TRIP4: variants seen among roughly 807,000 people sequenced by gnomAD.
The protein encoded by TRIP4 is activating signal cointegrator 1.
In TRIP4, 54 loss-of-function variants were observed where a neutral mutation model predicts 81.8. That is an observed-to-expected ratio of 0.66 (90% CI 0.53 to 0.83). TRIP4 has a LOEUF of 0.83. Ranked by LOEUF, TRIP4 falls within the 40% of genes least tolerant of loss-of-function variation. The pLI is 0.00. For synonymous variants in TRIP4, 270 were observed against 242.8 expected (o/e 1.11, Z -1.04); for missense variants, 662 against 683.6 (o/e 0.97, Z 0.35).
At chr15:64,426,073 A>T (rs1265101931) in intron 11 of TRIP4, among the ~76,000 whole-genome samples, 1 of 151,866 alleles carries the variant, frequency 6.6e-6, no homozygotes, top group Non-Finnish European at 1.5e-5. Flanking sequence ...ACCGAGTGAG[A>T]TTCCTTCTGG....
chr15:64,416,399 A>T (rs1422436086), intron 8 of TRIP4, among the ~76,000 whole-genome samples: 1 of 152,148 alleles, frequency 6.6e-6, no homozygotes, highest in Non-Finnish European at 1.5e-5. Context: ...TTGGGCCTCA[A>T]GATTGTTCAC....
intron 11 of TRIP4, among the ~76,000 whole-genome samples, chr15:64,431,847 A>ATATATATATATATATATATATT: frequency 8.4e-6 from 1 of 119,560 alleles, no homozygotes. Context: ...ATATATATAT[A>ATATATATATATATATATATATT]TTTTTTTTAT....
Position 64,425,641 on chromosome 15 carries a change from G to T in TRIP4, c.1575+10G>T. The T allele has an allele frequency of 6.3e-7, 1 of 1,595,586 alleles. No individual in the cohort carries two copies. Among genetic ancestry groups the T allele is most frequent in the Non-Finnish European group, 8.5e-7 (1 of 1,170,726 alleles). ...GCAATTTAAGGAGCAGGTGAGTAAA[G>T]AATACTTTTTTTTTTTAGAGACAGG... On this transcript the variant is annotated intron_variant, in intron 11 of 12. Transcript: ENST00000261884.
At chr15:64,423,412 G>A (rs747406717) in intron 9 of TRIP4, among the ~76,000 whole-genome samples, 30 of 130,392 alleles carry the variant, frequency 2.3e-4, no homozygotes, top group Non-Finnish European at 4.7e-4. Flanking sequence ...GCAGTGAGCC[G>A]AGGTCGCGCC....
intron 9 of TRIP4, among the ~76,000 whole-genome samples, chr15:64,419,391 G>C (rs147514130): frequency 0.017 from 2,523 of 151,332 alleles, 66 homozygotes; most frequent in African/African-American, 0.058. Flanking sequence ...ACCGAGTCTT[G>C]CTCTGTCACC....
At chr15:64,432,189 AT>A (rs1892294123) in intron 11 of TRIP4, among the ~76,000 whole-genome samples, 1 of 151,574 alleles carries the variant, frequency 6.6e-6, no homozygotes, top group Non-Finnish European at 1.5e-5. Flanking sequence ...CTGGCTGAGC[AT>A]TATGTTTTCT....
intron 12 of TRIP4, among the ~76,000 whole-genome samples, chr15:64,451,137 G>A (rs752667675): frequency 1.3e-5 from 2 of 151,714 alleles, no homozygotes; most frequent in Non-Finnish European, 2.9e-5. Context: ...TTTTGAGATG[G>A]GGTCTTGCTC....
At chr15:64,425,654 T>C (rs770101132) in intron 11 of TRIP4, 23 bp downstream of exon 11, 1 of 1,589,820 alleles carries the variant, frequency 6.3e-7, no homozygotes, top group Non-Finnish European at 8.6e-7. Context: ...TACTTTTTTT[T>C]TTTAGAGACA....
Position 64,424,065 on chromosome 15 carries a change from G to C in TRIP4, c.1393G>C (p.Gly465Arg), listed in dbSNP as rs780486549. The change falls in exon 10 of 13, where the codon GGA becomes CGA. Residue 465 changes from glycine to arginine, a missense_variant. Physicochemically the swap from Gly to Arg is moderately radical, Grantham distance 125. Coordinates refer to ENST00000261884, the MANE Select transcript of TRIP4 (RefSeq NM_016213.5). ...EGRSWYTPHR[G>R]RLWIAATAKK... ...CAGATCCTGGTACACCCCCCACAGA[G>C]GACGACTTTGGATAGCAGCCACAGC... 1 of 1,614,094 alleles carries C rather than the reference G, an allele frequency of 6.2e-7. No individual in the cohort carries two copies. The highest frequency in any genetic ancestry group is 8.5e-7 in the Non-Finnish European group (1 of 1,180,030).
At chr15:64,412,585 C>T (rs1481627564) in intron 7 of TRIP4, among the ~76,000 whole-genome samples, 3 of 148,644 alleles carry the variant, frequency 2.0e-5, no homozygotes, top group Non-Finnish European at 4.4e-5. Context: ...CTCTTGAAGG[C>T]AGGAACAATG....
intron 11 of TRIP4, among the ~76,000 whole-genome samples, chr15:64,431,847 A>ATATATATATTTTTT: frequency 4.2e-4 from 50 of 119,548 alleles, no homozygotes; most frequent in Non-Finnish European, 6.2e-4. Flanking sequence ...ATATATATAT[A>ATATATATATTTTTT]TTTTTTTTAT....
At chr15:64,399,049 A>C (rs1900381227) in intron 4 of TRIP4, among the ~76,000 whole-genome samples, 1 of 146,980 alleles carries the variant, frequency 6.8e-6, no homozygotes, top group African/African-American at 2.5e-5. Flanking sequence ...TCCTGGGTTC[A>C]AGCAATTCTC....
intron 11 of TRIP4, among the ~76,000 whole-genome samples, chr15:64,435,716 C>A (rs1892376943): frequency 6.9e-6 from 1 of 145,536 alleles, no homozygotes. Context: ...AAAACCCAAC[C>A]ATAATAACTA....
chr15:64,429,141 C>T (rs1370955663), intron 11 of TRIP4, among the ~76,000 whole-genome samples: 1 of 151,558 alleles, frequency 6.6e-6, no homozygotes, highest in Non-Finnish European at 1.5e-5. Context: ...ATGGTGAAAC[C>T]CCGTCTCTAC....
intron 8 of TRIP4, among the ~76,000 whole-genome samples, chr15:64,418,247 G>C (rs903555629): frequency 6.6e-6 from 1 of 152,090 alleles, no homozygotes; most frequent in African/African-American, 2.4e-5. Context: ...GAGTAGCTGG[G>C]ATTATAGGCA....
At chr15:64,403,449 G>A (rs1459349783) in intron 5 of TRIP4, among the ~76,000 whole-genome samples, 2 of 152,246 alleles carry the variant, frequency 1.3e-5, no homozygotes, top group African/African-American at 4.8e-5. Context: ...ATGAGCCACC[G>A]CGCCCAGCAG....
At chr15:64,399,145 T>A (rs1900384669) in intron 4 of TRIP4, among the ~76,000 whole-genome samples, 1 of 151,746 alleles carries the variant, frequency 6.6e-6, no homozygotes, top group South Asian at 2.1e-4. Flanking sequence ...GAGACAGGGT[T>A]TCACCATATT....
intron 3 of TRIP4, among the ~76,000 whole-genome samples, chr15:64,396,769 A>G (rs1900307754): frequency 6.6e-6 from 1 of 152,144 alleles, no homozygotes; most frequent in Non-Finnish European, 1.5e-5. Context: ...ATATTTACAC[A>G]TTTCTGTTTA....
chr15:64,430,266 C>A (rs1238408115), intron 11 of TRIP4, among the ~76,000 whole-genome samples: 1 of 152,202 alleles, frequency 6.6e-6, no homozygotes, highest in East Asian at 1.9e-4. Context: ...GAGGATCAGC[C>A]TAGAGAAGGT....
Sources: gnomAD v4.1 joint callset for allele counts (sites outside exome capture counted in the v4.1 genomes callset) on GRCh38, gnomAD v4.1.1 for gene constraint, MANE v1.5 for transcripts, NCBI Gene and HGNC (gene_info 2026-07-23, HGNC 2026-07-21) for gene names.